PHF24: variants seen among roughly 807,000 people sequenced by gnomAD.
PHF24 encodes PHD finger protein 24, also known as Galpha inhibitory interacting protein.
In PHF24, 25 loss-of-function variants were observed where a neutral mutation model predicts 42.6. The ratio of observed to expected loss-of-function variants is 0.59; its 90% CI spans 0.43 to 0.82. PHF24 has a LOEUF of 0.82. PHF24 is among the 40% of genes least tolerant of loss of function. PHF24 has a pLI of 0.00. For synonymous variants in PHF24, 185 were observed against 204.8 expected, an observed-to-expected ratio of 0.90 and a Z score of 0.83; for missense variants, 470 against 538.1, an observed-to-expected ratio of 0.87 and a Z score of 1.25.
At chr9:34,767,480 G>A in the PHF24 span, among the ~76,000 whole-genome samples, 1 of 152,348 alleles carries the variant, frequency 6.6e-6, no homozygotes, top group East Asian at 1.9e-4. Flanking sequence ...CAATCAGCGA[G>A]ACTCCGTGCG....
the PHF24 span, chr9:34,725,857 G>A: frequency 6.4e-7 from 1 of 1,551,952 alleles, no homozygotes; most frequent in African/African-American, 1.4e-5. Flanking sequence ...AGGGGGGCTT[G>A]GGCACATTTT....
chr9:34,844,849 G>T, the PHF24 span, among the ~76,000 whole-genome samples: 1 of 152,170 alleles, frequency 6.6e-6, no homozygotes, highest in Non-Finnish European at 1.5e-5. Flanking sequence ...TTGGTCCAAA[G>T]CATAGTTTAA....
chr9:34,796,293 G>T, the PHF24 span, among the ~76,000 whole-genome samples: 1 of 151,548 alleles, frequency 6.6e-6, no homozygotes, highest in African/African-American at 2.4e-5. Flanking sequence ...AAGCCTAAGA[G>T]AAAATCTTGT....
chr9:34,938,929 T>C, the PHF24 span, among the ~76,000 whole-genome samples: 1 of 82,674 alleles, frequency 1.2e-5, no homozygotes, highest in African/African-American at 4.7e-5. Context: ...AGAGCGAGAC[T>C]CCATCAAAAA....
At chr9:34,898,623 A>T in the PHF24 span, among the ~76,000 whole-genome samples, 1 of 152,348 alleles carries the variant, frequency 6.6e-6, no homozygotes, top group East Asian at 1.9e-4. Context: ...AATCAATTAA[A>T]AGGCAGCTTG....
At chr9:34,920,165 T>C in the PHF24 span, among the ~76,000 whole-genome samples, 1 of 152,188 alleles carries the variant, frequency 6.6e-6, no homozygotes, top group African/African-American at 2.4e-5. Flanking sequence ...TAATTTACAT[T>C]CTCACCAACA....
upstream of PHF24, among the ~76,000 whole-genome samples, chr9:34,953,441 T>C (rs1826304882): frequency 6.6e-6 from 1 of 152,216 alleles, no homozygotes; most frequent in South Asian, 2.1e-4. The surrounding 1 kb of genome is among the most constrained non-coding windows in gnomAD (Gnocchi z 4.1). Context: ...TCCAGCCTTA[T>C]ACTCAGGATT....
the PHF24 span, among the ~76,000 whole-genome samples, chr9:34,817,224 C>T: frequency 1.3e-5 from 2 of 151,724 alleles, no homozygotes; most frequent in African/African-American, 4.8e-5. Flanking sequence ...TTTGTTTGAC[C>T]ATTTCTTTTT....
At chr9:34,793,134 G>A in the PHF24 span, among the ~76,000 whole-genome samples, 9 of 151,728 alleles carry the variant, frequency 5.9e-5, no homozygotes, top group African/African-American at 1.9e-4. Context: ...TGAGATCATG[G>A]GTATACTACC....
the PHF24 span, among the ~76,000 whole-genome samples, chr9:34,946,703 C>A: frequency 6.6e-6 from 1 of 151,858 alleles, no homozygotes; most frequent in East Asian, 1.9e-4. Context: ...TACAGACTAC[C>A]CAGGGATTGG....
At chr9:34,893,074 C>T in the PHF24 span, 22 of 968,954 alleles carry the variant, frequency 2.3e-5, 1 homozygote, top group South Asian at 3.7e-4. Flanking sequence ...TCTCCAGAGC[C>T]ATAACATTGC....
rs1773776038 is a variant in PHF24 at position 34,971,694 on chromosome 9, A to G, written c.378+18A>G. 6.3e-7 allele frequency: 1 copy of G among 1,585,884 alleles called. No homozygotes were observed. Among genetic ancestry groups the G allele is most frequent in the Non-Finnish European group, 8.6e-7 (1 of 1,163,142 alleles). ...GAGAGCCTGTGAGTATCCAGTTAGG[A>G]CAGGATCCTCAAGTCTTAGTGCATC... On this transcript the variant is annotated intron_variant, in intron 2 of 7. Transcript: ENST00000242315.
the PHF24 span, chr9:34,723,895 A>T: frequency 1.0e-3 from 1,560 of 1,551,612 alleles, 4 homozygotes; most frequent in Non-Finnish European, 1.3e-3. Flanking sequence ...GCTGAGGGTG[A>T]TGCTGGGGGC....
the PHF24 span, chr9:34,709,786 GGGA>G: frequency 1.1e-5 from 17 of 1,613,996 alleles, no homozygotes; most frequent in Non-Finnish European, 1.4e-5. Flanking sequence ...CAGGATAGCT[GGGA>G]TGGAGCAGCC....
At chr9:34,934,525 C>T in the PHF24 span, among the ~76,000 whole-genome samples, 12 of 151,740 alleles carry the variant, frequency 7.9e-5, 1 homozygote, top group South Asian at 2.5e-3. Flanking sequence ...CCTGTGTACC[C>T]CCAGCCCCCC....
the PHF24 span, among the ~76,000 whole-genome samples, chr9:34,722,379 G>C: frequency 6.6e-6 from 1 of 152,222 alleles, no homozygotes; most frequent in African/African-American, 2.4e-5. Context: ...GAAATATCAT[G>C]AATACAGTGG....
chr9:34,802,164 CCAT>C, the PHF24 span, among the ~76,000 whole-genome samples: 1 of 151,700 alleles, frequency 6.6e-6, no homozygotes, highest in African/African-American at 2.4e-5. Flanking sequence ...TTTAATCTGC[CCAT>C]CAACTCCTTT....
the PHF24 span, among the ~76,000 whole-genome samples, chr9:34,827,290 G>A: frequency 6.6e-6 from 1 of 152,166 alleles, no homozygotes; most frequent in African/African-American, 2.4e-5. Context: ...AGGCAGGGAG[G>A]ATGTGCCTGT....
chr9:34,900,435 C>G, the PHF24 span, among the ~76,000 whole-genome samples: 11 of 152,094 alleles, frequency 7.2e-5, no homozygotes, highest in Admixed American at 3.3e-4. Flanking sequence ...TCCATCTCTA[C>G]AAAAACTACA....
Sources: allele counts gnomAD v4.1 joint callset (sites outside exome capture counted in the v4.1 genomes callset), GRCh38; gene constraint gnomAD v4.1.1; non-coding constraint Gnocchi (gnomAD v3.1); transcripts MANE v1.5; gene names NCBI Gene and HGNC (gene_info 2026-07-23, HGNC 2026-07-21).